Variants in SORCS3 observed in about 807,000 individuals in gnomAD.
SORCS3 encodes the protein sortilin related VPS10 domain containing receptor 3.
Under a neutral mutation model 146.3 loss-of-function variants are expected in SORCS3, and 57 were observed. The observed-to-expected ratio is 0.39, with a 90% CI of 0.31 to 0.49. The LOEUF is 0.49. Among genes scored for constraint, SORCS3 ranks in the 20% least tolerant of loss-of-function variants. The probability of loss-of-function intolerance (pLI) is 0.92; values close to 1 mark genes in which losing one functional copy is unlikely to be tolerated. For missense variants in SORCS3, 1,341 were observed against 1,575.5 expected (o/e 0.85, Z 2.52); for synonymous variants, 653 against 618.5 (o/e 1.06, Z -0.83).
intron 14 of SORCS3, among the ~76,000 whole-genome samples, chr10:105,198,428 C>T (rs1376269584): frequency 1.3e-5 from 2 of 152,130 alleles, no homozygotes; most frequent in Non-Finnish European, 2.9e-5. Flanking sequence ...CTTGATGAGG[C>T]TTATCAGTTT....
chr10:104,849,967 A>C (rs1159127430), intron 2 of SORCS3, among the ~76,000 whole-genome samples: 2 of 152,344 alleles, frequency 1.3e-5, no homozygotes, highest in South Asian at 2.1e-4. Context: ...CTTGGTTTTC[A>C]TACACCAGAT....
At chr10:105,021,328 A>G (rs116139485) in intron 4 of SORCS3, among the ~76,000 whole-genome samples, 1,614 of 152,214 alleles carry the variant, frequency 0.011, 28 homozygotes, top group African/African-American at 0.037. Flanking sequence ...CCCTTGTATG[A>G]TCTATATTAA....
At chr10:104,660,793 C>T (rs919665681) in intron 1 of SORCS3, among the ~76,000 whole-genome samples, 3 of 152,186 alleles carry the variant, frequency 2.0e-5, no homozygotes, top group Non-Finnish European at 4.4e-5. Context: ...ACAGTCCAGA[C>T]ATCTTTCTGG....
chr10:104,724,115 G>A (rs551443852), intron 1 of SORCS3, among the ~76,000 whole-genome samples: 59 of 152,208 alleles, frequency 3.9e-4, no homozygotes, highest in East Asian at 7.7e-4. Context: ...GGCTGGTACC[G>A]GTTGTTCCTT....
intron 1 of SORCS3, among the ~76,000 whole-genome samples, chr10:104,755,592 T>C (rs1190846247): frequency 1.3e-5 from 2 of 152,206 alleles, no homozygotes; most frequent in African/African-American, 4.8e-5. Flanking sequence ...AGGATTCAAT[T>C]TGATACTTGA....
intron 3 of SORCS3, among the ~76,000 whole-genome samples, chr10:104,945,380 C>T (rs2019360088): frequency 6.6e-6 from 1 of 152,008 alleles, no homozygotes; most frequent in South Asian, 2.1e-4. Flanking sequence ...GCCTCAGCCT[C>T]CTGAGTAGCT....
Position 105,215,404 on chromosome 10 carries a change from C to T in SORCS3, c.2547+791C>T, listed in dbSNP as rs140197864. On this transcript the variant is annotated intron_variant, in intron 18 of 26. Transcript: ENST00000369701. ...ATCTTGGAAAGAAGGCAAAACAGGC[C>T]AGGAGTCATTTTTTTTCACAAGTAT... Among the ~76,000 whole-genome samples, 264 of 152,230 alleles carry T rather than the reference C, an allele frequency of 1.7e-3. 1 individual carries two copies. The highest frequency in any genetic ancestry group is 6.1e-3 in the African/African-American group (252 of 41,540).
intron 1 of SORCS3, among the ~76,000 whole-genome samples, chr10:104,763,800 G>T (rs552807547): frequency 6.6e-6 from 1 of 152,222 alleles, no homozygotes; most frequent in Admixed American, 6.5e-5. Context: ...TCATGGGGGT[G>T]GTTCCCTGCA....
intron 1 of SORCS3, among the ~76,000 whole-genome samples, chr10:104,709,913 TA>T (rs967721358): frequency 6.6e-6 from 1 of 151,774 alleles, no homozygotes; most frequent in Non-Finnish European, 1.5e-5. Flanking sequence ...TTTTTTTAAT[TA>T]AAAAAATTTT....
chr10:104,905,044 T>C (rs952198603), intron 2 of SORCS3, among the ~76,000 whole-genome samples: 1 of 152,210 alleles, frequency 6.6e-6, no homozygotes, highest in Non-Finnish European at 1.5e-5. Context: ...TTTTCCTGCT[T>C]AGCCATTCAA....
Position 104,761,493 on chromosome 10 carries a change from A to C in SORCS3, c.628-81299A>C, listed in dbSNP as rs1206326743. Reference sequence around the variant, plus strand: ...CCTGCAGGCCTATCTTTGACCTTTCATGGGAGGGATAGACAAGGCTCTTCC... The same window carrying C: ...CCTGCAGGCCTATCTTTGACCTTTCCTGGGAGGGATAGACAAGGCTCTTCC... On this transcript the variant is annotated intron_variant, in intron 1 of 26. Transcript: ENST00000369701. Among the ~76,000 whole-genome samples the C allele has an allele frequency of 2.0e-5, 3 of 152,076 alleles. No individual in the cohort carries two copies. The South Asian group carries it at 6.2e-4, about 32-fold the overall frequency.
At chr10:104,912,422 G>A (rs1201086367) in intron 2 of SORCS3, among the ~76,000 whole-genome samples, 1 of 152,184 alleles carries the variant, frequency 6.6e-6, no homozygotes, top group Non-Finnish European at 1.5e-5. Flanking sequence ...AGTTGCTCAG[G>A]GTGATTTGTC....
chr10:104,932,714 A>T (rs1362912491), intron 3 of SORCS3, among the ~76,000 whole-genome samples: 1 of 152,124 alleles, frequency 6.6e-6, no homozygotes, highest in Admixed American at 6.6e-5. Context: ...TTTTTTAGAA[A>T]TGAGGTCTGT....
chr10:104,862,624 T>G (rs1023356993), intron 2 of SORCS3, among the ~76,000 whole-genome samples: 16 of 152,160 alleles, frequency 1.1e-4, no homozygotes, highest in African/African-American at 3.9e-4. Flanking sequence ...ATCATTTGTA[T>G]GTGTTTTTAA....
intron 2 of SORCS3, among the ~76,000 whole-genome samples, chr10:104,861,432 G>T (rs985994362): frequency 6.6e-6 from 1 of 152,146 alleles, no homozygotes; most frequent in Admixed American, 6.5e-5. Flanking sequence ...GTAAAGTGTT[G>T]GAACAGTGAT....
chr10:104,843,606 G>A (rs1416438324), intron 2 of SORCS3, among the ~76,000 whole-genome samples: 4 of 152,344 alleles, frequency 2.6e-5, no homozygotes, highest in Middle Eastern at 3.4e-3. Context: ...CAGGACGAGG[G>A]AGAAGAGGGA....
At chr10:104,736,078 A>G in intron 1 of SORCS3, among the ~76,000 whole-genome samples, 1 of 152,120 alleles carries the variant, frequency 6.6e-6, no homozygotes, top group Non-Finnish European at 1.5e-5. Flanking sequence ...AACAGCTGTC[A>G]TACAAGGGCT....
intron 1 of SORCS3, among the ~76,000 whole-genome samples, chr10:104,721,235 T>C (rs1005195186): frequency 2.6e-5 from 4 of 152,204 alleles, no homozygotes; most frequent in Non-Finnish European, 5.9e-5. Context: ...AAATAGGGAA[T>C]CCTTTCCCCA....
chr10:104,756,106 A>G (rs2017047152), intron 1 of SORCS3, among the ~76,000 whole-genome samples: 2 of 152,150 alleles, frequency 1.3e-5, no homozygotes, highest in Admixed American at 6.5e-5. Context: ...CTCCTCATCC[A>G]TGTGGTTAGA....
Sources: allele counts gnomAD v4.1 joint callset (sites outside exome capture counted in the v4.1 genomes callset), GRCh38; gene constraint gnomAD v4.1.1; transcripts MANE v1.5; gene names NCBI Gene and HGNC (gene_info 2026-07-23, HGNC 2026-07-21).